METTL15: variants seen among roughly 807,000 people sequenced by gnomAD.
METTL15 encodes 12S rRNA N(4)-cytidine methyltransferase METTL15.
METTL15 carries 34 observed loss-of-function variants against 38.3 expected under a neutral mutation model. The observed-to-expected ratio is 0.89, with a 90% CI of 0.68 to 1.18. METTL15 has a LOEUF of 1.18. METTL15 is among the 50% of genes most tolerant of loss of function. METTL15 has a pLI of 0.00. For missense variants in METTL15, 438 were observed against 498.4 expected, an observed-to-expected ratio of 0.88 and a Z score of 1.15; for synonymous variants, 162 against 170.9, an observed-to-expected ratio of 0.95 and a Z score of 0.41.
At chr11:28,440,268 G>A (rs1851023007) in intron 6 of METTL15, among the ~76,000 whole-genome samples, 1 of 152,050 alleles carries the variant, frequency 6.6e-6, no homozygotes, top group Non-Finnish European at 1.5e-5. Flanking sequence ...GTACATCTAT[G>A]TGATATCTAG....
At chr11:28,229,601 CCTT>C (rs1853609750) in intron 4 of METTL15, among the ~76,000 whole-genome samples, 1 of 151,918 alleles carries the variant, frequency 6.6e-6, no homozygotes, top group Non-Finnish European at 1.5e-5. Flanking sequence ...GTTGCTTTGT[CCTT>C]CTGCCATGTG....
intron 5 of METTL15, among the ~76,000 whole-genome samples, chr11:28,362,722 G>T (rs191718312): frequency 6.6e-6 from 1 of 152,256 alleles, no homozygotes; most frequent in East Asian, 1.9e-4. Flanking sequence ...TGGCTGCATA[G>T]TATTCCATGG....
At chr11:28,484,458 G>A (rs1055435159) in intron 6 of METTL15, among the ~76,000 whole-genome samples, 4 of 152,162 alleles carry the variant, frequency 2.6e-5, no homozygotes, top group African/African-American at 9.7e-5. Context: ...CAGCCTACAT[G>A]TCTTTCAACC....
At chr11:28,149,693 A>G (rs925814285) in intron 3 of METTL15, among the ~76,000 whole-genome samples, 2 of 151,966 alleles carry the variant, frequency 1.3e-5, no homozygotes, top group Non-Finnish European at 1.5e-5. Flanking sequence ...ATCTCATTGC[A>G]CTGTTTCTGA....
chr11:28,145,660 T>G (rs1281390515), intron 3 of METTL15: 1 of 152,056 alleles, frequency 6.6e-6, no homozygotes, highest in African/African-American at 2.4e-5. Flanking sequence ...CCCAATGGCA[T>G]TTCAAAACTA....
intron 3 of METTL15, among the ~76,000 whole-genome samples, chr11:28,182,368 C>G (rs530215627): frequency 6.6e-6 from 1 of 152,056 alleles, no homozygotes; most frequent in Non-Finnish European, 1.5e-5. Flanking sequence ...AGGTTTTCTT[C>G]TAAGATTTTT....
At chr11:28,239,481 C>T (rs191106579) in intron 4 of METTL15, among the ~76,000 whole-genome samples, 1 of 152,216 alleles carries the variant, frequency 6.6e-6, no homozygotes, top group East Asian at 1.9e-4. Context: ...ACCATCATCT[C>T]CTAATTGGAG....
intron 4 of METTL15, among the ~76,000 whole-genome samples, chr11:28,259,564 G>T (rs1358036115): frequency 2.0e-5 from 3 of 152,130 alleles, no homozygotes; most frequent in Non-Finnish European, 4.4e-5. Flanking sequence ...TTCTGACCTG[G>T]CTATAGCTGG....
intron 3 of METTL15, among the ~76,000 whole-genome samples, chr11:28,340,094 A>T (rs1050284350): frequency 1.3e-5 from 2 of 152,090 alleles, no homozygotes; most frequent in African/African-American, 4.8e-5. Context: ...GGAGATAGAG[A>T]AGTATACGTA....
chr11:28,296,685 C>G (rs1856747303), intron 5 of METTL15, 68 bp from the exon 6 acceptor site: 1 of 1,546,894 alleles, frequency 6.5e-7, no homozygotes, highest in Non-Finnish European at 8.9e-7. Flanking sequence ...TGTCTCAGTA[C>G]TCTGAAGTTT....
intron 3 of METTL15, among the ~76,000 whole-genome samples, chr11:28,136,896 G>T (rs1053752627): frequency 6.7e-6 from 1 of 150,368 alleles, no homozygotes; most frequent in African/African-American, 2.4e-5. Context: ...TTGCCAAAAT[G>T]ATGACTTAAA....
At chr11:28,228,109 G>A (rs1348058627) in intron 4 of METTL15, among the ~76,000 whole-genome samples, 1 of 151,874 alleles carries the variant, frequency 6.6e-6, no homozygotes, top group Non-Finnish European at 1.5e-5. Context: ...GTCTTACCGT[G>A]TTCTCAAGTC....
chr11:28,310,412 G>A (rs1051950085), intron 6 of METTL15, among the ~76,000 whole-genome samples: 1 of 151,676 alleles, frequency 6.6e-6, no homozygotes, highest in Non-Finnish European at 1.5e-5. Context: ...AAACCCAGGC[G>A]TGCAAAGAAT....
intron 6 of METTL15, among the ~76,000 whole-genome samples, chr11:28,455,197 AACACATGGGATCAGCTAGC>A (rs892003898): frequency 2.6e-5 from 4 of 150,950 alleles, no homozygotes; most frequent in African/African-American, 4.9e-5. Flanking sequence ...ATAACTCAAT[AACACATGGGATCAGCTAGC>A]TTTTTTTTTT....
At chr11:28,259,329 TGTAGCCTAGC>T (rs1855103138) in intron 4 of METTL15, among the ~76,000 whole-genome samples, 1 of 151,970 alleles carries the variant, frequency 6.6e-6, no homozygotes, top group African/African-American at 2.4e-5. Flanking sequence ...TCATGAGGTG[TGTAGCCTAGC>T]GTTAGGGGAG....
intron 6 of METTL15, among the ~76,000 whole-genome samples, chr11:28,468,394 G>A (rs981666324): frequency 5.9e-5 from 9 of 152,086 alleles, no homozygotes; most frequent in African/African-American, 9.7e-5. Context: ...AAACAATTTT[G>A]TTCCCCAGAG....
intron 6 of METTL15, among the ~76,000 whole-genome samples, chr11:28,302,124 G>A (rs1405703234): frequency 2.6e-5 from 4 of 152,006 alleles, no homozygotes; most frequent in African/African-American, 9.7e-5. Flanking sequence ...TATTGACCGT[G>A]CTTGTCTCGA....
intron 3 of METTL15, among the ~76,000 whole-genome samples, chr11:28,344,264 T>C (rs559373775): frequency 6.6e-6 from 1 of 152,270 alleles, no homozygotes; most frequent in South Asian, 2.1e-4. Flanking sequence ...AATACTAATA[T>C]TGAGAGACAT....
At chr11:28,178,629 T>C (rs967219780) in intron 3 of METTL15, among the ~76,000 whole-genome samples, 1 of 151,872 alleles carries the variant, frequency 6.6e-6, no homozygotes, top group African/African-American at 2.4e-5. Flanking sequence ...TTTAATGTGC[T>C]TTCCCTTAGT....
Sources: allele counts gnomAD v4.1 joint callset (sites outside exome capture counted in the v4.1 genomes callset), GRCh38; gene constraint gnomAD v4.1.1; transcripts MANE v1.5; gene names NCBI Gene and HGNC (gene_info 2026-07-23, HGNC 2026-07-21).